Variants in DNAJB1 observed in about 807,000 individuals in gnomAD.
DNAJB1 encodes the protein dnaJ homolog subfamily B member 1.
DNAJB1 carries 14 observed loss-of-function variants against 24.0 expected under a neutral mutation model. The observed-to-expected ratio is 0.58, with a 90% CI of 0.39 to 0.91. DNAJB1 has a LOEUF of 0.91. Ranked by LOEUF, DNAJB1 falls within the 40% of genes least tolerant of loss-of-function variation. DNAJB1 has a pLI of 0.00. For missense variants in DNAJB1, 517 were observed against 458.1 expected (o/e 1.13, Z -1.17); for synonymous variants, 262 against 174.4 (o/e 1.50, Z -3.96).
chr19:14,529,894 A>T, upstream of DNAJB1: 1 of 832,826 alleles, frequency 1.2e-6, no homozygotes, highest in Non-Finnish European at 1.9e-6. Context: ...GTGCGCAGGA[A>T]GTATTTATAA....
chr19:14,525,050 A>G (rs1034489942), intron 2 of DNAJB1, among the ~76,000 whole-genome samples: 2 of 152,006 alleles, frequency 1.3e-5, no homozygotes, highest in African/African-American at 4.8e-5. Context: ...CCTGACCAAC[A>G]TGGTGAAATT....
intron 1 of DNAJB1, among the ~76,000 whole-genome samples, chr19:14,535,756 CA>C (rs1161257175): frequency 0.06 from 3,088 of 51,860 alleles, 38 homozygotes; most frequent in Middle Eastern, 0.1. Context: ...GACTCTGTCT[CA>C]AAAAAAAAAA....
At chr19:14,534,081 A>G (rs1014743036), upstream of DNAJB1, 1 of 151,712 alleles carries the variant, frequency 6.6e-6, no homozygotes, top group Admixed American at 6.6e-5. Context: ...AATACCCAGA[A>G]GCGAGCCTCT....
At chr19:14,554,620 G>T (rs144096984), upstream of DNAJB1, among the ~76,000 whole-genome samples, 192 of 152,268 alleles carry the variant, frequency 1.3e-3, no homozygotes, top group African/African-American at 4.1e-3. Flanking sequence ...GCCTCCAGGG[G>T]ATGAGCAGGA....
intron 1 of DNAJB1, among the ~76,000 whole-genome samples, chr19:14,541,439 C>CAT (rs2073094186): frequency 5.3e-5 from 8 of 152,380 alleles, no homozygotes; most frequent in African/African-American, 1.2e-4. Flanking sequence ...TGGGCAGGTC[C>CAT]TGCTGGTCCA....
chr19:14,555,832 T>C (rs1161027358), intron 1 of DNAJB1, among the ~76,000 whole-genome samples: 1 of 152,154 alleles, frequency 6.6e-6, no homozygotes, highest in African/African-American at 2.4e-5. Context: ...GTGATCATCC[T>C]GTCTCAGCCT....
chr19:14,555,319 G>A (rs1166207401), upstream of DNAJB1, among the ~76,000 whole-genome samples: 1 of 151,084 alleles, frequency 6.6e-6, no homozygotes, highest in Non-Finnish European at 1.5e-5. Context: ...TGTGATCTCG[G>A]CTCACTGCAA....
chr19:14,517,178 A>AC, intron 1 of DNAJB1, 132 bp from the exon 2 acceptor site: 1 of 884,988 alleles, frequency 1.1e-6, no homozygotes, highest in South Asian at 1.8e-5. Context: ...GCAAGGAAGA[A>AC]CCCCAAGTTT....
rs866530937 is a variant in DNAJB1 at position 14,543,446 on chromosome 19, T to A, written c.-214+6762A>T. On this transcript the variant is annotated intron_variant, in intron 1 of 3. Transcript: ENST00000676982. ...TTTTTTTTTTTTTTTTTTTTTTTTT[T>A]TTTTTTTTTTGAGACGGAGTCTCGC... Among the ~76,000 whole-genome samples the A allele has an allele frequency of 9.3e-3, 513 of 55,230 alleles. 19 individuals carry two copies. The highest frequency in any genetic ancestry group is 0.014 in the Non-Finnish European group (363 of 26,374). The allele number at this position is 55,230 out of a possible 152,430, so 36.2% of individuals were successfully genotyped here. A position where few individuals can be genotyped will look rare whatever the true frequency, so the allele number is the denominator to read the frequency against.
rs1225855139 is a variant in DNAJB1, at chr19:14,548,978, GA to G, written c.-214+1229del. 2.6e-4 allele frequency among the ~76,000 whole-genome samples: 40 copies of G among 151,836 alleles called. 1 individual carries two copies. The highest frequency in any genetic ancestry group is 4.4e-4 in the Non-Finnish European group (30 of 67,996). On this transcript the variant is annotated intron_variant, in intron 1 of 3. Coordinates refer to the DNAJB1 transcript ENST00000676982. ...ACTCTATTTATGGACACCAAAATTT[GA>G]ATTTAATTTTCACATATCATGAAAT...
At chr19:14,517,982 C>T in intron 1 of DNAJB1, 157 bp downstream of exon 1, 1 of 782,824 alleles carries the variant, frequency 1.3e-6, no homozygotes, top group Non-Finnish European at 1.8e-6. Context: ...CGCGCGGCCG[C>T]CAATCCGAGG....
At chr19:14,534,300 AT>A (rs35331094), upstream of DNAJB1, among the ~76,000 whole-genome samples, 49,062 of 142,762 alleles carry the variant, frequency 0.34, 8,678 homozygotes, top group Middle Eastern at 0.47. Flanking sequence ...AATTTTTTGT[AT>A]TTTTAGTAGA....
chr19:14,515,756 G>C lies in DNAJB1; in HGVS notation c.*184C>G. 1.7e-6 allele frequency: 1 copy of C among 604,228 alleles called. No homozygotes were observed. Among genetic ancestry groups the C allele is most frequent in the Non-Finnish European group, 2.8e-6 (1 of 358,060 alleles). The allele number at this position is 604,228 out of a possible 1,614,324, so 37.4% of individuals were successfully genotyped here. ...CCCACCACCTGATGCCCTATAGCTCGAAAAACCACTGAAGTCTAGTGTGCG... is the reference window on the plus strand; with the variant it reads ...CCCACCACCTGATGCCCTATAGCTCCAAAAACCACTGAAGTCTAGTGTGCG... On this transcript the variant is annotated 3_prime_UTR_variant, in exon 3 of 3. Transcript: ENST00000254322.
At chr19:14,520,124 A>C (rs1393820029), upstream of DNAJB1, among the ~76,000 whole-genome samples, 1 of 152,188 alleles carries the variant, frequency 6.6e-6, no homozygotes, top group African/African-American at 2.4e-5. Flanking sequence ...AGTTGTGCCC[A>C]CATCATGAGG....
Position 14,516,690 on chromosome 19 carries a change from G to A in DNAJB1, c.568C>T (p.Leu190=). 2.5e-6 allele frequency: 4 copies of A among 1,614,194 alleles called. No individual in the cohort carries two copies. The highest frequency in any genetic ancestry group is 3.4e-6 in the Non-Finnish European group (4 of 1,180,044). ...TKKMKISHKR[L]NPDGKSIRNE... ...CGAATGCTCTTTCCGTCGGGGTTTA[G>A]CCGCTTGTGGGAGATTTTCATCTTC... is the stretch of plus-strand genomic sequence containing the variant. The change falls in exon 2 of 3, where the codon CTA becomes TTA. Residue 190 remains leucine (L), a synonymous_variant. Coordinates refer to ENST00000254322, the MANE Select transcript of DNAJB1 (RefSeq NM_006145.3).
At chr19:14,524,645 A>G (rs981589143) in intron 2 of DNAJB1, among the ~76,000 whole-genome samples, 4 of 151,392 alleles carry the variant, frequency 2.6e-5, no homozygotes, top group Middle Eastern at 3.2e-3. Flanking sequence ...CAGGAGTTCG[A>G]GACCAGCCTG....
chr19:14,556,403 T>A (rs1431818916), intron 1 of DNAJB1, among the ~76,000 whole-genome samples: 3 of 66,602 alleles, frequency 4.5e-5, no homozygotes, highest in Non-Finnish European at 9.5e-5. Flanking sequence ...ACAGCGAGAC[T>A]CTCTCAAAAA....
intron 1 of DNAJB1, among the ~76,000 whole-genome samples, chr19:14,542,270 C>G (rs10412304): frequency 6.9e-6 from 1 of 144,976 alleles, no homozygotes; most frequent in Non-Finnish European, 1.5e-5. Context: ...CGACCACATT[C>G]TACTGATTTT....
Position 14,518,256 on chromosome 19 carries a change from G to A in DNAJB1, c.94C>T (p.His32Tyr). 6.2e-7 allele frequency: 1 copy of A among 1,608,260 alleles called. No homozygotes were observed. The highest frequency in any genetic ancestry group is 8.5e-7 in the Non-Finnish European group (1 of 1,177,956). The change falls in exon 1 of 3, where the codon CAC becomes TAC. Residue 32 changes from histidine (H) to tyrosine (Y), a missense_variant. Transcript: ENST00000254322. ...RAYRRQALRY[H>Y]PDKNKEPGAE... ...CCGGGCTCCTTGTTCTTGTCCGGGTGGTAGCGCAGCGCCTGGCGGCGGTAG... is the reference window on the plus strand; with the variant it reads ...CCGGGCTCCTTGTTCTTGTCCGGGTAGTAGCGCAGCGCCTGGCGGCGGTAG...
Sources: gnomAD v4.1 joint callset for allele counts (sites outside exome capture counted in the v4.1 genomes callset) on GRCh38, gnomAD v4.1.1 for gene constraint, MANE v1.5 for transcripts, NCBI Gene and HGNC (gene_info 2026-07-23, HGNC 2026-07-21) for gene names.